HMCN1: variants seen among roughly 807,000 people sequenced by gnomAD.
The protein encoded by HMCN1 is hemicentin 1, also known as hemicentin-1.
Under a neutral mutation model 625.9 loss-of-function variants are expected in HMCN1, and 321 were observed. The observed-to-expected ratio is 0.51, with a 90% CI of 0.47 to 0.56. The LOEUF (loss-of-function observed/expected upper bound fraction) is 0.56. Ranked by LOEUF, HMCN1 falls within the 20% of genes least tolerant of loss-of-function variation. The pLI is 0.00. For missense variants in HMCN1, 6,588 were observed against 6,887.3 expected, an observed-to-expected ratio of 0.96 and a Z score of 1.54; for synonymous variants, 2,425 against 2,417.6, an observed-to-expected ratio of 1.00 and a Z score of -0.09.
chr1:186,134,957 G>T lies in HMCN1; in HGVS notation c.13313-1711G>T, dbSNP rs202007393. Among the ~76,000 whole-genome samples, 9 of 152,252 alleles carry T rather than the reference G, an allele frequency of 5.9e-5. No individual in the cohort carries two copies. The East Asian group carries it at 1.7e-3, about 29-fold the overall frequency. ...ACCCTGTATGCTGTTACTCTTCAGG[G>T]TGAACCTTCCTTTCTATTCTGTTCA... On this transcript the variant is annotated intron_variant, in intron 86 of 106. Coordinates refer to ENST00000271588, the MANE Select transcript of HMCN1 (RefSeq NM_031935.3).
At chr1:185,755,902 A>G (rs959688) in intron 1 of HMCN1, among the ~76,000 whole-genome samples, 5,865 of 152,132 alleles carry the variant, frequency 0.039, 331 homozygotes, top group African/African-American at 0.13. Context: ...AAATCTTTCA[A>G]CTTGGGGTCT....
rs114611241 is a variant in HMCN1 at position 186,065,908 on chromosome 1, T to A, written c.7705+479T>A. Reference sequence around the variant, plus strand: ...AATAGATTTTTAACTTGTGCTCACTTTTTGAAATTTCTACCCCCTAAATTT... The same window carrying A: ...AATAGATTTTTAACTTGTGCTCACTATTTGAAATTTCTACCCCCTAAATTT... On this transcript the variant is annotated intron_variant, in intron 49 of 106. Transcript: ENST00000271588. 5.9e-3 allele frequency among the ~76,000 whole-genome samples: 903 copies of A among 152,310 alleles called. 7 individuals are homozygous for A. Among genetic ancestry groups the A allele is most frequent in the African/African-American group, 0.021 (857 of 41,574 alleles).
chr1:186,044,981 C>G (rs1656467342), intron 40 of HMCN1, among the ~76,000 whole-genome samples: 1 of 152,064 alleles, frequency 6.6e-6, no homozygotes, highest in Non-Finnish European at 1.5e-5. Flanking sequence ...ACTTATATAG[C>G]CAGGGAATCC....
At position 186,095,253 on chromosome 1, in the gene HMCN1, T is replaced by C. The variant is rs540344543; in HGVS notation, c.10305T>C (p.Asn3435=). 96 of 1,613,602 alleles carry C rather than the reference T, an allele frequency of 5.9e-5. No individual in the cohort carries two copies. The South Asian group carries it at 1.0e-3, about 17-fold the overall frequency. Residue 3435 remains asparagine, a synonymous_variant, in exon 68 of 107, where the codon AAT becomes AAC. Transcript: ENST00000271588. The part of the protein sequence containing the change: ...HYNLQVFAPP[N]MDNSMGTEEI... The stretch of plus-strand genomic sequence containing the variant: ...TTGTTTTCTATGTAGCACCACCAAA[T>C]ATGGACAATTCAATGGGGACAGAGG...
intron 11 of HMCN1, among the ~76,000 whole-genome samples, chr1:185,953,589 A>G (rs1649395406): frequency 6.6e-6 from 1 of 151,862 alleles, no homozygotes; most frequent in Non-Finnish European, 1.5e-5. Flanking sequence ...GGGAGGTTGG[A>G]GAAGAGAGTA....
chr1:185,750,837 C>T (rs888307561), intron 1 of HMCN1, among the ~76,000 whole-genome samples: 1 of 147,186 alleles, frequency 6.8e-6, no homozygotes, highest in Non-Finnish European at 1.5e-5. Context: ...ATTCTATTTT[C>T]CCCCCCTCCC....
chr1:186,165,913 G>A (rs1170186784), intron 98 of HMCN1, among the ~76,000 whole-genome samples: 2 of 152,150 alleles, frequency 1.3e-5, no homozygotes, highest in Admixed American at 6.5e-5. Flanking sequence ...CAGGTAAAAG[G>A]CATTTAGAGC....
chr1:185,870,412 G>A (rs900898452), intron 4 of HMCN1, among the ~76,000 whole-genome samples: 8 of 151,964 alleles, frequency 5.3e-5, no homozygotes, highest in Non-Finnish European at 1.5e-5. Context: ...TAGATAATTC[G>A]CTTGTCCTGA....
At chr1:186,016,768 G>A (rs1471662196) in intron 32 of HMCN1, among the ~76,000 whole-genome samples, 195 bp from the exon 33 acceptor site, 2 of 152,068 alleles carry the variant, frequency 1.3e-5, no homozygotes, top group Non-Finnish European at 2.9e-5. Context: ...GGTATGATAT[G>A]TTAAAAGTAT....
At chr1:186,109,346 G>T (rs765863676) in intron 71 of HMCN1, among the ~76,000 whole-genome samples, 12 of 152,076 alleles carry the variant, frequency 7.9e-5, no homozygotes, top group Non-Finnish European at 1.5e-4. Context: ...AACATGGAGA[G>T]GCCAGGTTCT....
chr1:186,119,379 G>A (rs1661287648), intron 78 of HMCN1, 81 bp downstream of exon 78: 3 of 993,126 alleles, frequency 3.0e-6, no homozygotes, highest in East Asian at 4.8e-5. Context: ...AAGGTGGTAG[G>A]TACTGTCGAG....
Position 186,039,656 on chromosome 1 carries a change from A to C in HMCN1, c.6029-72A>C, listed in dbSNP as rs984556501. 2.1e-6 allele frequency: 3 copies of C among 1,453,152 alleles called. No individual in the cohort carries two copies. The African/African-American group carries it at 4.2e-5, about 20-fold the overall frequency. 90.0% of individuals were successfully genotyped at this position (1,453,152 alleles called of 1,614,324 possible). The stretch of plus-strand genomic sequence containing the variant: ...AAGAACATAATATTGTAGACATTAG[A>C]TGTAGTTTTCATCATTTGAGATCAC... On this transcript the variant is annotated intron_variant, in intron 38 of 106. Transcript: ENST00000271588.
chr1:185,852,105 G>A (rs1308197101), intron 2 of HMCN1, among the ~76,000 whole-genome samples: 1 of 151,880 alleles, frequency 6.6e-6, no homozygotes, highest in Non-Finnish European at 1.5e-5. Context: ...AAGGTTAGGG[G>A]AAAAAGAATG....
intron 11 of HMCN1, among the ~76,000 whole-genome samples, chr1:185,938,102 A>G (rs957683990): frequency 6.4e-4 from 98 of 152,162 alleles, no homozygotes; most frequent in Non-Finnish European, 8.5e-4. Context: ...TAACAGTTGA[A>G]TAATATGATT....
chr1:185,878,623 A>ATTATC (rs1271686721), intron 4 of HMCN1, among the ~76,000 whole-genome samples: 3 of 152,108 alleles, frequency 2.0e-5, no homozygotes, highest in African/African-American at 7.2e-5. Context: ...GTGTGCTGGT[A>ATTATC]GATTTGATTT....
intron 83 of HMCN1, 64 bp downstream of exon 83, chr1:186,128,355 G>C (rs1661751334): frequency 7.7e-7 from 1 of 1,292,814 alleles, no homozygotes; most frequent in South Asian, 1.2e-5. Flanking sequence ...ACGAAGCTCT[G>C]TTTCCTCCAG....
At chr1:186,048,911 C>G in intron 42 of HMCN1, 72 bp downstream of exon 42, 1 of 888,248 alleles carries the variant, frequency 1.1e-6, no homozygotes. Flanking sequence ...TGACATTCAT[C>G]CATGTAACTA....
rs765471251 is a variant in HMCN1, at chr1:186,125,747, A to G, written c.12643A>G (p.Lys4215Glu). 6.2e-7 allele frequency: 1 copy of G among 1,613,492 alleles called. No homozygotes were observed. Among genetic ancestry groups the G allele is most frequent in the South Asian group, 1.1e-5 (1 of 91,082 alleles). Residue 4215 changes from lysine (K) to glutamate (E), a missense_variant, in exon 82 of 107, where the codon AAA (lysine) becomes GAA (glutamate). Lys to Glu is a moderately conservative substitution (Grantham distance 56). Around this residue, in one of 3 missense-constraint regions of HMCN1, gnomAD observed 1,954 missense variants for 2,013.1 expected, o/e 0.97. Coordinates refer to ENST00000271588, the MANE Select transcript of HMCN1 (RefSeq NM_031935.3). Reference protein sequence around the residue: ...DNVLLANLLGKYTAEPYGELI... With the variant: ...DNVLLANLLGEYTAEPYGELI... ...TGTTCTTTTAGCTAACTTGTTAGGAAAATACACTGCTGAACCATATGGAGA... is the reference window on the plus strand; with the variant it reads ...TGTTCTTTTAGCTAACTTGTTAGGAGAATACACTGCTGAACCATATGGAGA...
intron 4 of HMCN1, among the ~76,000 whole-genome samples, chr1:185,868,131 A>G (rs967577444): frequency 6.6e-6 from 1 of 151,990 alleles, no homozygotes; most frequent in African/African-American, 2.4e-5. Flanking sequence ...CTTTATTAGT[A>G]GTGGGTTTCA....
Sources: gnomAD v4.1 joint callset for allele counts (sites outside exome capture counted in the v4.1 genomes callset) on GRCh38, gnomAD v4.1.1 for gene constraint, gnomAD v4.1.1 regional missense constraint, MANE v1.5 for transcripts, NCBI Gene and HGNC (gene_info 2026-07-23, HGNC 2026-07-21) for gene names.